The following ANK2 variants were observed in gnomAD, a reference collection of about 807,000 sequenced individuals.
The protein encoded by ANK2 is ankyrin-2.
Under a neutral mutation model 360.5 loss-of-function variants are expected in ANK2, and 83 were observed. That is an observed-to-expected ratio of 0.23 (90% CI 0.19 to 0.28). The LOEUF (loss-of-function observed/expected upper bound fraction) is 0.28. ANK2 is among the 10% of genes least tolerant of loss of function. The pLI is 1.00. For missense variants in ANK2, 4,201 were observed against 4,795.7 expected (o/e 0.88, Z 3.66); for synonymous variants, 1,740 against 1,759.5 (o/e 0.99, Z 0.28).
chr4:112,961,457 G>T (rs966461450), intron 2 of ANK2, among the ~76,000 whole-genome samples: 24 of 151,866 alleles, frequency 1.6e-4, no homozygotes, highest in African/African-American at 5.8e-4. Flanking sequence ...CTGAATATAG[G>T]ACAGAATATT....
At chr4:112,799,168 A>G in the ANK2 span, among the ~76,000 whole-genome samples, 2 of 152,224 alleles carry the variant, frequency 1.3e-5, no homozygotes, top group South Asian at 2.1e-4. Flanking sequence ...GTAAAGCTAA[A>G]TAACGTTCCA....
upstream of ANK2, among the ~76,000 whole-genome samples, chr4:113,048,882 C>T (rs2065699806): frequency 6.7e-6 from 1 of 150,080 alleles, no homozygotes; most frequent in South Asian, 2.1e-4. Flanking sequence ...ATGGATTATG[C>T]TTGGTTCTGG....
chr4:112,958,608 G>A (rs1207780097), intron 2 of ANK2, among the ~76,000 whole-genome samples: 1 of 151,626 alleles, frequency 6.6e-6, no homozygotes, highest in Non-Finnish European at 1.5e-5. Flanking sequence ...GGGAGACCGT[G>A]GGGAGAGGGA....
chr4:113,014,848 C>CTTTTT lies in ANK2; in HGVS notation c.21+110358_21+110362dup, dbSNP rs530387481. On this transcript the variant is annotated intron_variant, in intron 2 of 30. Transcript: ENST00000503271. Reference sequence around the variant, plus strand: ...GTCTGTATAGATGTGGATCATAGAGCTTTTTTTTTTTTTTTTTTTTTTTTT... The same window carrying CTTTTT: ...GTCTGTATAGATGTGGATCATAGAGCTTTTTTTTTTTTTTTTTTTTTTTTTTTTTT... Among the ~76,000 whole-genome samples, 16 of 70,330 alleles carry CTTTTT rather than the reference C, an allele frequency of 2.3e-4. 1 individual carries two copies. The highest frequency in any genetic ancestry group is 8.9e-4 in the South Asian group (1 of 1,122). The allele number at this position is 70,330 out of a possible 152,430, so 46.1% of individuals were successfully genotyped here.
chr4:113,241,784 C>T lies in ANK2; in HGVS notation c.793-327C>T, dbSNP rs75222304. On this transcript the variant is annotated intron_variant, in intron 8 of 45. Coordinates refer to ENST00000357077, the MANE Select transcript of ANK2 (RefSeq NM_001148.6). ...AGAAAGAAAGACTTTACACTAGGGC[C>T]CTATCTTAGGTAGATTTAAAATTTT... 3.4e-3 allele frequency among the ~76,000 whole-genome samples: 522 copies of T among 152,170 alleles called. 4 individuals carry two copies. Among genetic ancestry groups the T allele is most frequent in the African/African-American group, 0.012 (491 of 41,498 alleles).
At chr4:113,024,900 A>C (rs896781860) in intron 2 of ANK2, among the ~76,000 whole-genome samples, 2 of 152,178 alleles carry the variant, frequency 1.3e-5, no homozygotes, top group Non-Finnish European at 2.9e-5. Context: ...GATAAATAAA[A>C]AGAAGTCTGT....
At chr4:113,129,628 A>T (rs969002719) in intron 1 of ANK2, among the ~76,000 whole-genome samples, 2 of 152,200 alleles carry the variant, frequency 1.3e-5, no homozygotes, top group African/African-American at 4.8e-5. Context: ...TAGTACATTA[A>T]ATGATATAAC....
At chr4:113,087,872 A>T (rs761655477) in intron 1 of ANK2, among the ~76,000 whole-genome samples, 4 of 152,134 alleles carry the variant, frequency 2.6e-5, no homozygotes, top group Non-Finnish European at 5.9e-5. Flanking sequence ...TTTAAAATTT[A>T]TTCACTTCAT....
In ANK2 at chr4:113,356,111, T is replaced by A. The variant is rs1330504383; in HGVS notation, c.7493T>A (p.Leu2498His). The change falls in exon 38 of 46, where the codon CTC becomes CAC. Residue 2498 changes from leucine to histidine, a missense_variant. By Grantham distance (99) the Leu-to-His change is moderately conservative. Around this residue, in one of 4 missense-constraint regions of ANK2, gnomAD observed 2,642 missense variants for 2,714.5 expected, o/e 0.97. Transcript: ENST00000357077. ...PLPAAVAKTELLTEVASVRSR... is the reference protein window; with the variant it reads ...PLPAAVAKTEHLTEVASVRSR... ...CCTGCAGCTGTTGCCAAAACAGAAC[T>A]CTTGACGGAAGTGGCCTCTGTGCGG... is the stretch of plus-strand genomic sequence containing the variant. The A allele has an allele frequency of 6.2e-7, 1 of 1,614,044 alleles. No individual in the cohort carries two copies. Among genetic ancestry groups the A allele is most frequent in the African/African-American group, 1.3e-5 (1 of 75,016 alleles).
At position 113,353,258 on chromosome 4, in the gene ANK2, A is replaced by G; in HGVS notation, c.4640A>G (p.Glu1547Gly). The G allele has an allele frequency of 6.2e-7, 1 of 1,614,002 alleles. No homozygotes were observed. The highest frequency in any genetic ancestry group is 8.5e-7 in the Non-Finnish European group (1 of 1,179,950). Residue 1547 changes from glutamate (E) to glycine (G), a missense_variant, in exon 38 of 46, where the codon GAG becomes GGG. Transcript: ENST00000357077. ...AAGGCTGCTGAGGAAGAGCCAGGAGAGCCTTTTGAAATCGTTGAAAGAGTT... is the reference window on the plus strand; with the variant it reads ...AAGGCTGCTGAGGAAGAGCCAGGAGGGCCTTTTGAAATCGTTGAAAGAGTT... ...LVKAAEEEPG[E>G]PFEIVERVKE...
chr4:112,733,437 C>A, the ANK2 span, among the ~76,000 whole-genome samples: 3 of 152,128 alleles, frequency 2.0e-5, no homozygotes, highest in South Asian at 6.2e-4. Flanking sequence ...CATAGCTCTA[C>A]TAGTGACAAA....
At chr4:112,806,472 A>T in the ANK2 span, among the ~76,000 whole-genome samples, 1 of 152,336 alleles carries the variant, frequency 6.6e-6, no homozygotes, top group African/African-American at 2.4e-5. Flanking sequence ...ACTTAGGTTG[A>T]TTCCAAATCT....
chr4:113,187,182 C>T (rs897627515), intron 2 of ANK2, among the ~76,000 whole-genome samples: 2 of 152,000 alleles, frequency 1.3e-5, no homozygotes, highest in Admixed American at 6.6e-5. Flanking sequence ...GTCATTGCTG[C>T]AGTCAGTGAA....
intron 2 of ANK2, among the ~76,000 whole-genome samples, chr4:112,932,310 G>A (rs1317073011): frequency 6.6e-6 from 1 of 152,044 alleles, no homozygotes; most frequent in African/African-American, 2.4e-5. Context: ...TGACCCACAT[G>A]GTGAAACCCC....
chr4:112,799,182 T>C, the ANK2 span, among the ~76,000 whole-genome samples: 1 of 152,228 alleles, frequency 6.6e-6, no homozygotes, highest in East Asian at 1.9e-4. Context: ...CGTTCCATTG[T>C]ATGTATGTAC....
rs1315927520 is a variant in ANK2 at position 113,353,889 on chromosome 4, G to A, written c.5271G>A (p.Leu1757=). 3.1e-6 allele frequency: 5 copies of A among 1,614,050 alleles called. No individual in the cohort carries two copies. The highest frequency in any genetic ancestry group is 4.2e-6 in the Non-Finnish European group (5 of 1,179,950). Residue 1757 remains leucine, a synonymous_variant, in exon 38 of 46, where the codon TTG becomes TTA. Coordinates refer to ENST00000357077, the MANE Select transcript of ANK2 (RefSeq NM_001148.6). ...PLPTVKATSP[L]IEETPIGSIK... The stretch of plus-strand genomic sequence containing the variant: ...CCACTGTCAAGGCCACATCTCCTTT[G>A]ATAGAAGAAACTCCCATTGGTTCCA...
Position 113,348,012 on chromosome 4 carries a change from C to T in ANK2, c.4372-264C>T, listed in dbSNP as rs9968457. The T allele has an allele frequency of 0.2, 97,465 of 483,722 alleles. 14,127 individuals are homozygous for T. The highest frequency in any genetic ancestry group is 0.56 in the African/African-American group (28,892 of 51,654). 30.0% of individuals were successfully genotyped at this position (483,722 alleles called of 1,614,324 possible). On this transcript the variant is annotated intron_variant, in intron 35 of 45. Coordinates refer to ENST00000357077, the MANE Select transcript of ANK2 (RefSeq NM_001148.6). The stretch of plus-strand genomic sequence containing the variant: ...ATTTAAGGTCAAACTTTGAGACTGC[C>T]GTGGTGACCTAGTATCTGGAATTAG...
chr4:113,125,870 A>G (rs2095633932), intron 1 of ANK2, among the ~76,000 whole-genome samples: 1 of 152,164 alleles, frequency 6.6e-6, no homozygotes, highest in African/African-American at 2.4e-5. Context: ...CCACTATGTT[A>G]GAATTGAGAT....
At chr4:113,381,248 A>T (rs891800274) in intron 45 of ANK2, among the ~76,000 whole-genome samples, 45 of 150,092 alleles carry the variant, frequency 3.0e-4, no homozygotes, top group African/African-American at 9.6e-4. Context: ...AACACATTTT[A>T]AAAAAATCTC....
Sources: gnomAD v4.1 joint callset for allele counts (sites outside exome capture counted in the v4.1 genomes callset) on GRCh38, gnomAD v4.1.1 for gene constraint, gnomAD v4.1.1 regional missense constraint, MANE v1.5 for transcripts, NCBI Gene and HGNC (gene_info 2026-07-23, HGNC 2026-07-21) for gene names.